Variants in DUSP29 observed in about 807,000 individuals in gnomAD.
The protein encoded by DUSP29 is atypical dual-specific protein phosphatase.
Under a neutral mutation model 13.5 loss-of-function variants are expected in DUSP29, and 12 were observed. The ratio of observed to expected loss-of-function variants is 0.89; its 90% CI spans 0.57 to 1.44. The LOEUF (loss-of-function observed/expected upper bound fraction) is 1.44. DUSP29 is among the 40% of genes most tolerant of loss of function. The probability of loss-of-function intolerance (pLI) is 0.00; values close to 1 mark genes in which losing one functional copy is unlikely to be tolerated. For missense variants in DUSP29, 308 were observed against 301.1 expected (o/e 1.02, Z -0.17); for synonymous variants, 134 against 128.7 (o/e 1.04, Z -0.28).
chr10:75,071,604 C>G (rs1410800364), intron 1 of DUSP29, among the ~76,000 whole-genome samples: 1 of 152,206 alleles, frequency 6.6e-6, no homozygotes, highest in Non-Finnish European at 1.5e-5. Flanking sequence ...ACCACTGGCT[C>G]TCTCCTCACC....
chr10:75,058,461 C>T lies in DUSP29; in HGVS notation c.54G>A (p.Lys18=). 6.2e-7 allele frequency: 1 copy of T among 1,614,238 alleles called. No individual in the cohort carries two copies. Among genetic ancestry groups the T allele is most frequent in the Non-Finnish European group, 8.5e-7 (1 of 1,180,048 alleles). Reference sequence around the variant, plus strand: ...CCTCCTCCATCTTCGGCGACAGCCTCTTGGCAGATGAGTAGGCATTCTTGA... The same window carrying T: ...CCTCCTCCATCTTCGGCGACAGCCTTTTGGCAGATGAGTAGGCATTCTTGA... ...TSLKNAYSSA[K]RLSPKMEEEG... Residue 18 remains lysine (K), a synonymous_variant, in exon 2 of 4, where the codon AAG becomes AAA. Transcript: ENST00000338487.
intron 3 of DUSP29, 113 bp downstream of exon 3, chr10:75,043,684 G>A (rs1846633200): frequency 4.8e-6 from 5 of 1,033,390 alleles, no homozygotes; most frequent in African/African-American, 1.6e-5. Context: ...CGGAGCCTAG[G>A]CTAGGGGCGG....
At chr10:75,063,422 T>C (rs1847131567) in intron 1 of DUSP29, among the ~76,000 whole-genome samples, 1 of 152,190 alleles carries the variant, frequency 6.6e-6, no homozygotes. Context: ...GTTTTCCTGC[T>C]TGAGGGCATT....
rs1310023451 is a variant in DUSP29, at chr10:75,038,019, G to A, written c.480C>T (p.Ala160=). 4 of 1,613,974 alleles carry A rather than the reference G, an allele frequency of 2.5e-6. 1 individual carries two copies. The South Asian group carries it at 4.4e-5, about 18-fold the overall frequency. ...TCATGTCCTTGTGGATCATCAGGTA[G>A]GCCAGGACCAGGGTGGCTGACCGGC... ...GRSRSATLVL[A]YLMIHKDMTL... The change falls in exon 4 of 4, where the codon GCC becomes GCT. Residue 160 remains alanine (A), a synonymous_variant. Coordinates refer to ENST00000338487, the MANE Select transcript of DUSP29 (RefSeq NM_001003892.3).
At chr10:75,070,185 A>C (rs939472096) in intron 1 of DUSP29, among the ~76,000 whole-genome samples, 1 of 152,180 alleles carries the variant, frequency 6.6e-6, no homozygotes, top group African/African-American at 2.4e-5. Context: ...TCCACTTTAC[A>C]GATGAAAAAA....
At chr10:75,058,632 G>A in intron 1 of DUSP29, 84 bp from the exon 2 acceptor site, 3 of 1,181,484 alleles carry the variant, frequency 2.5e-6, no homozygotes, top group Admixed American at 2.5e-5. Context: ...GTGGGAATAA[G>A]CTTATCTTAA....
chr10:75,057,114 A>G (rs1846977387), intron 2 of DUSP29, among the ~76,000 whole-genome samples: 1 of 151,988 alleles, frequency 6.6e-6, no homozygotes, highest in Non-Finnish European at 1.5e-5. Flanking sequence ...TGTTTCTACT[A>G]AAAATAAAAA....
chr10:75,039,973 A>C (rs1469984564), intron 3 of DUSP29, among the ~76,000 whole-genome samples: 1 of 152,096 alleles, frequency 6.6e-6, no homozygotes, highest in African/African-American at 2.4e-5. Flanking sequence ...TGAGGCCAGG[A>C]ATTGGAGACC....
At chr10:75,065,091 C>T (rs1847167440) in intron 1 of DUSP29, among the ~76,000 whole-genome samples, 1 of 152,170 alleles carries the variant, frequency 6.6e-6, no homozygotes, top group Non-Finnish European at 1.5e-5. Context: ...CTACATGTTC[C>T]ATCCTCCCTG....
chr10:75,042,569 C>T (rs2134281518), intron 3 of DUSP29, among the ~76,000 whole-genome samples: 1 of 152,358 alleles, frequency 6.6e-6, no homozygotes, highest in South Asian at 2.1e-4. Flanking sequence ...TCTTCTAATA[C>T]AGGCATGTTA....
intron 2 of DUSP29, among the ~76,000 whole-genome samples, chr10:75,048,964 T>A (rs1403583272): frequency 6.6e-6 from 1 of 152,232 alleles, no homozygotes; most frequent in Admixed American, 6.5e-5. Flanking sequence ...TGGCAGTACT[T>A]TCCTTGTGAG....
At chr10:75,060,289 A>G (rs182144845) in intron 1 of DUSP29, among the ~76,000 whole-genome samples, 156 of 152,096 alleles carry the variant, frequency 1.0e-3, no homozygotes, top group Middle Eastern at 3.4e-3. Context: ...GAGCAACATG[A>G]CAAAACCCAT....
At chr10:75,062,998 C>A (rs1406156419) in intron 1 of DUSP29, among the ~76,000 whole-genome samples, 2 of 152,104 alleles carry the variant, frequency 1.3e-5, no homozygotes, top group East Asian at 1.9e-4. Context: ...TAAAAGGTGA[C>A]AAACTCAGGC....
intron 3 of DUSP29, among the ~76,000 whole-genome samples, chr10:75,041,636 G>T (rs1185694193): frequency 6.6e-6 from 1 of 152,196 alleles, no homozygotes; most frequent in Non-Finnish European, 1.5e-5. Flanking sequence ...CCAGTGCAAA[G>T]GTGCTGAGAG....
intron 2 of DUSP29, among the ~76,000 whole-genome samples, chr10:75,051,932 G>A (rs1330640610): frequency 1.3e-5 from 2 of 152,212 alleles, no homozygotes; most frequent in Non-Finnish European, 2.9e-5. Context: ...TTAAGTGAGT[G>A]TCACAGAAAT....
intron 2 of DUSP29, among the ~76,000 whole-genome samples, chr10:75,049,616 G>A (rs781240277): frequency 2.6e-4 from 40 of 152,202 alleles, no homozygotes; most frequent in Admixed American, 5.9e-4. Flanking sequence ...TGTTAAATTC[G>A]CAACCTTGAC....
intron 1 of DUSP29, among the ~76,000 whole-genome samples, chr10:75,060,272 C>A (rs1847058220): frequency 1.3e-5 from 2 of 152,086 alleles, no homozygotes. Flanking sequence ...GAGTTCAAGA[C>A]CAGCCTGAGC....
intron 2 of DUSP29, among the ~76,000 whole-genome samples, chr10:75,045,253 C>G (rs1357854786): frequency 6.6e-6 from 1 of 152,186 alleles, no homozygotes; most frequent in African/African-American, 2.4e-5. Context: ...GCCTGCAGTC[C>G]CAGCTACTTG....
intron 2 of DUSP29, among the ~76,000 whole-genome samples, chr10:75,056,580 T>C (rs1846963574): frequency 6.6e-6 from 1 of 151,030 alleles, no homozygotes. Flanking sequence ...GGCAAGAGAA[T>C]CGCTTGAACC....
Sources: gnomAD v4.1 joint callset for allele counts (sites outside exome capture counted in the v4.1 genomes callset) on GRCh38, gnomAD v4.1.1 for gene constraint, MANE v1.5 for transcripts, NCBI Gene and HGNC (gene_info 2026-07-23, HGNC 2026-07-21) for gene names.